RRM2: variants seen among roughly 807,000 people sequenced by gnomAD.
The protein encoded by RRM2 is ribonucleoside-diphosphate reductase subunit M2.
In RRM2, 6 loss-of-function variants were observed where a neutral mutation model predicts 45.9. That is an observed-to-expected ratio of 0.13 (90% confidence interval 0.07 to 0.26). The LOEUF (loss-of-function observed/expected upper bound fraction) is 0.26. RRM2 is among the 10% of genes least tolerant of loss of function. The pLI, the probability that RRM2 is intolerant of heterozygous loss-of-function variation, is 1.00. For synonymous variants in RRM2, 177 were observed against 173.0 expected, an observed-to-expected ratio of 1.02 and a Z score of -0.18; for missense variants, 343 against 489.5, an observed-to-expected ratio of 0.70 and a Z score of 2.82.
downstream of RRM2, among the ~76,000 whole-genome samples, chr2:10,136,115 G>T (rs1214192543): frequency 6.6e-6 from 1 of 152,190 alleles, no homozygotes; most frequent in African/African-American, 2.4e-5. Flanking sequence ...CTGTGTCCGG[G>T]CAGCACCACC....
intron 3 of RRM2, among the ~76,000 whole-genome samples, chr2:10,143,364 C>G (rs1663124048): frequency 1.3e-5 from 2 of 152,350 alleles, no homozygotes; most frequent in South Asian, 2.1e-4. Context: ...CTCATGGCCC[C>G]AAGTGTTTAC....
At chr2:10,190,155 TTGG>T (rs1294752369) in intron 3 of RRM2, among the ~76,000 whole-genome samples, 4 of 139,874 alleles carry the variant, frequency 2.9e-5, no homozygotes, top group Admixed American at 2.8e-4. Flanking sequence ...GATGGTGGTA[TTGG>T]TGGTGATGGT....
chr2:10,165,513 G>T lies in RRM2; in HGVS notation n.482+23138G>T, dbSNP rs147761214. ...ACGGCGCAGGGGCCACATTTAACCGGCTGGGGACCAACTGTTTCTAAGGCT... is the reference window on the plus strand; with the variant it reads ...ACGGCGCAGGGGCCACATTTAACCGTCTGGGGACCAACTGTTTCTAAGGCT... On this transcript the variant is annotated intron_variant and non_coding_transcript_variant, in intron 3 of 3. Coordinates refer to the RRM2 transcript ENST00000381786. 4.9e-3 allele frequency among the ~76,000 whole-genome samples: 749 copies of T among 152,356 alleles called. 2 individuals are homozygous for T. Among genetic ancestry groups the T allele is most frequent in the Non-Finnish European group, 7.1e-3 (480 of 68,038 alleles).
chr2:10,138,884 G>T (rs1019572600), upstream of RRM2, among the ~76,000 whole-genome samples: 4 of 152,094 alleles, frequency 2.6e-5, no homozygotes, highest in African/African-American at 9.7e-5. Flanking sequence ...AAGGTGGGCG[G>T]ATCATTTGAG....
At chr2:10,179,081 G>T (rs1663992338) in intron 3 of RRM2, among the ~76,000 whole-genome samples, 1 of 152,146 alleles carries the variant, frequency 6.6e-6, no homozygotes, top group Non-Finnish European at 1.5e-5. Flanking sequence ...GTGTACCGAT[G>T]ATTTATTCTT....
At chr2:10,142,200 G>T in intron 2 of RRM2, 1 of 1,564,084 alleles carries the variant, frequency 6.4e-7, no homozygotes, top group East Asian at 2.5e-5. Context: ...AGTGGAGTGG[G>T]TGTGTACATG....
rs1435332579 is a variant in RRM2, at chr2:10,169,309, C to T, written n.482+26934C>T. On this transcript the variant is annotated intron_variant and non_coding_transcript_variant, in intron 3 of 3. Transcript: ENST00000381786. The surrounding 1 kb of genome is among the most constrained non-coding windows in gnomAD (Gnocchi z 5.1). ...CTTTGTAAGTTCCCAAGTTGAAGCA[C>T]CCCCTTCAGGTGTAGTTTTAGACGT... is the stretch of plus-strand genomic sequence containing the variant. Among the ~76,000 whole-genome samples the T allele has an allele frequency of 1.3e-5, 2 of 152,042 alleles. No homozygotes were observed. The highest frequency in any genetic ancestry group is 2.9e-5 in the Non-Finnish European group (2 of 68,008).
chr2:10,206,447 A>G (rs548257811), intron 3 of RRM2, among the ~76,000 whole-genome samples: 1 of 152,344 alleles, frequency 6.6e-6, no homozygotes, highest in Middle Eastern at 3.4e-3. Context: ...CATGGAATGT[A>G]TAGCTTGGAT....
chr2:10,131,477 G>A (rs567808412), downstream of RRM2: 1 of 152,294 alleles, frequency 6.6e-6, no homozygotes, highest in South Asian at 2.1e-4. Flanking sequence ...GGCCAGGCAT[G>A]GCTGTAATCC....
intron 3 of RRM2, among the ~76,000 whole-genome samples, chr2:10,159,456 G>A (rs1301061549): frequency 6.6e-6 from 1 of 152,176 alleles, no homozygotes; most frequent in African/African-American, 2.4e-5. Flanking sequence ...TCTGGCCTAG[G>A]CGGGTCTCTC....
intron 3 of RRM2, among the ~76,000 whole-genome samples, chr2:10,147,109 C>T (rs1233372564): frequency 3.3e-5 from 5 of 152,078 alleles, no homozygotes; most frequent in East Asian, 1.9e-4. Context: ...CGCACTACCA[C>T]GCCCAGCTAA....
At chr2:10,199,842 AT>A (rs34953170) in intron 3 of RRM2, among the ~76,000 whole-genome samples, 3 of 142,458 alleles carry the variant, frequency 2.1e-5, no homozygotes, top group Admixed American at 7.2e-5. Flanking sequence ...GCTTTGCCAG[AT>A]TTTTTTTTAG....
chr2:10,163,032 A>G (rs548247823), intron 3 of RRM2, among the ~76,000 whole-genome samples: 1 of 152,326 alleles, frequency 6.6e-6, no homozygotes, highest in East Asian at 1.9e-4. Context: ...CCCTGAGCTC[A>G]TCAGTGAAGC....
rs529575528 is a variant in RRM2, at chr2:10,142,395, C to T, written n.482+20C>T. ...TTTCAGGTGAGAAATGATGGCAACTCGCACGGTGGGGGAAGAGGGGCCACT... is the reference window on the plus strand; with the variant it reads ...TTTCAGGTGAGAAATGATGGCAACTTGCACGGTGGGGGAAGAGGGGCCACT... On this transcript the variant is annotated intron_variant and non_coding_transcript_variant, in intron 3 of 3. Coordinates refer to the RRM2 transcript ENST00000381786. 5.1e-6 allele frequency: 7 copies of T among 1,368,846 alleles called. No homozygotes were observed. The South Asian group carries it at 6.8e-5, about 13-fold the overall frequency. 84.8% of individuals were successfully genotyped at this position (1,368,846 alleles called of 1,614,324 possible).
At chr2:10,202,184 A>C (rs1307937094) in intron 3 of RRM2, among the ~76,000 whole-genome samples, 1 of 152,186 alleles carries the variant, frequency 6.6e-6, no homozygotes, top group Non-Finnish European at 1.5e-5. Context: ...AACTAGCCCA[A>C]ACCTTCATTT....
In RRM2 at chr2:10,185,609, C is replaced by G. The variant is rs750638565; in HGVS notation, n.483-24702C>G. 5.3e-5 allele frequency among the ~76,000 whole-genome samples: 8 copies of G among 152,178 alleles called. No individual in the cohort carries two copies. Among genetic ancestry groups the G allele is most frequent in the Non-Finnish European group, 1.2e-4 (8 of 68,030 alleles). On this transcript the variant is annotated intron_variant and non_coding_transcript_variant, in intron 3 of 3. Transcript: ENST00000381786. This position sits in a 1 kb window ranked among gnomAD's most constrained non-coding sequence, Gnocchi z 4.3. The stretch of plus-strand genomic sequence containing the variant: ...CCATCGAATTCCATATGACTCTGTT[C>G]TCAAGTGTACTGGATACATTCTTGA...
At chr2:10,191,361 G>C (rs545721655) in intron 3 of RRM2, among the ~76,000 whole-genome samples, 1 of 152,328 alleles carries the variant, frequency 6.6e-6, no homozygotes, top group African/African-American at 2.4e-5. Context: ...CACTTAGGAA[G>C]GTTAATAAGA....
intron 3 of RRM2, among the ~76,000 whole-genome samples, chr2:10,177,161 G>A (rs1366526030): frequency 2.0e-5 from 3 of 152,012 alleles, no homozygotes; most frequent in Admixed American, 6.5e-5. Context: ...TAGGAGAATC[G>A]CTTGAACCCG....
At chr2:10,150,778 T>TTTG (rs200839787) in intron 3 of RRM2, among the ~76,000 whole-genome samples, 3 of 140,620 alleles carry the variant, frequency 2.1e-5, no homozygotes, top group Non-Finnish European at 4.5e-5. Flanking sequence ...TGTGTTTTTT[T>TTTG]TTTTTTTTTT....
Sources: gnomAD v4.1 joint callset for allele counts (sites outside exome capture counted in the v4.1 genomes callset) on GRCh38, gnomAD v4.1.1 for gene constraint, Gnocchi (gnomAD v3.1) non-coding constraint, MANE v1.5 for transcripts, NCBI Gene and HGNC (gene_info 2026-07-23, HGNC 2026-07-21) for gene names.